Variants in RARB observed in about 807,000 individuals in gnomAD.
RARB encodes HBV-activated protein.
Under a neutral mutation model 51.9 loss-of-function variants are expected in RARB, and 17 were observed. That is an observed-to-expected ratio of 0.33 (90% confidence interval 0.22 to 0.49). RARB has a LOEUF of 0.49. Ranked by LOEUF, RARB falls within the 20% of genes least tolerant of loss-of-function variation. RARB has a pLI of 0.99. For missense variants in RARB, 369 were observed against 550.8 expected (o/e 0.67, Z 3.30); for synonymous variants, 215 against 195.4 (o/e 1.10, Z -0.84).
upstream of RARB, among the ~76,000 whole-genome samples, chr3:25,424,163 A>G (rs967164932): frequency 5.3e-5 from 8 of 152,186 alleles, no homozygotes; most frequent in Non-Finnish European, 1.0e-4. Flanking sequence ...AAGTAAAAAG[A>G]CATTTTTGAA....
intron 1 of RARB, among the ~76,000 whole-genome samples, chr3:25,440,773 C>G (rs1016228264): frequency 6.6e-6 from 1 of 151,750 alleles, no homozygotes; most frequent in Non-Finnish European, 1.5e-5. Flanking sequence ...ACACCGTCCC[C>G]CCCAAAAATA....
At chr3:25,494,253 G>GCACACACGCACGCACACACA (rs757972807) in intron 2 of RARB, among the ~76,000 whole-genome samples, 15 of 131,968 alleles carry the variant, frequency 1.1e-4, no homozygotes, top group African/African-American at 3.4e-4. Flanking sequence ...TGTATCTTAC[G>GCACACACGCACGCACACACA]CACACACACA....
At chr3:25,239,020 C>T (rs1023995009) in intron 5 of RARB, among the ~76,000 whole-genome samples, 5 of 152,102 alleles carry the variant, frequency 3.3e-5, no homozygotes, top group Admixed American at 3.3e-4. Context: ...AGGATGATAG[C>T]TCATTGTGGT....
chr3:25,047,480 T>C (rs1159174327), intron 2 of RARB, among the ~76,000 whole-genome samples: 1 of 152,154 alleles, frequency 6.6e-6, no homozygotes, highest in Non-Finnish European at 1.5e-5. Context: ...TTTTAAAGGA[T>C]TCACTCAGAC....
chr3:25,477,894 T>G (rs1359400109), intron 2 of RARB, among the ~76,000 whole-genome samples: 1 of 152,190 alleles, frequency 6.6e-6, no homozygotes, highest in Non-Finnish European at 1.5e-5. Context: ...CTGATGACAG[T>G]CAACATCTGG....
chr3:25,062,455 C>A (rs1196930123), intron 3 of RARB, among the ~76,000 whole-genome samples: 3 of 151,856 alleles, frequency 2.0e-5, no homozygotes, highest in African/African-American at 7.2e-5. Context: ...CATTCTATAA[C>A]CCAACTGCCT....
chr3:25,432,555 G>A (rs540731866), intron 1 of RARB, among the ~76,000 whole-genome samples: 4 of 152,180 alleles, frequency 2.6e-5, no homozygotes, highest in South Asian at 2.1e-4. Flanking sequence ...GAAGCCTGGC[G>A]CTGATATATA....
chr3:24,876,237 T>C (rs1703040445), intron 2 of RARB, among the ~76,000 whole-genome samples: 1 of 152,174 alleles, frequency 6.6e-6, no homozygotes. Flanking sequence ...ACTTTGAGAC[T>C]ATGTAAATAT....
At chr3:25,593,135 T>G (rs1009972383) in intron 5 of RARB, among the ~76,000 whole-genome samples, 1 of 152,120 alleles carries the variant, frequency 6.6e-6, no homozygotes, top group South Asian at 2.1e-4. Context: ...TTGCAGACTG[T>G]AAGCTCTTAA....
intron 3 of RARB, among the ~76,000 whole-genome samples, chr3:25,069,549 G>T (rs1353932517): frequency 6.6e-6 from 1 of 152,138 alleles, no homozygotes; most frequent in African/African-American, 2.4e-5. Context: ...GAGTGATCTT[G>T]TTCCCAAGTC....
chr3:24,928,962 AC>A lies in RARB; in HGVS notation c.-380+70211del, dbSNP rs1465503631. Among the ~76,000 whole-genome samples, 31 of 152,142 alleles carry A rather than the reference AC, an allele frequency of 2.0e-4. 1 individual carries two copies. The East Asian group carries it at 5.8e-3, about 28-fold the overall frequency. The stretch of plus-strand genomic sequence containing the variant: ...AACAGAAAAGAAAGAGAATATTCTC[AC>A]TCAGAGATGATCACCATTAGTATTT... On this transcript the variant is annotated intron_variant, in intron 2 of 11. Transcript: ENST00000383772.
intron 2 of RARB, among the ~76,000 whole-genome samples, chr3:25,023,125 C>T (rs182636075): frequency 6.6e-6 from 1 of 152,132 alleles, no homozygotes; most frequent in African/African-American, 2.4e-5. Flanking sequence ...AGTAAGGAGT[C>T]CCCTTTCTGT....
At chr3:24,981,278 T>G (rs1308543608) in intron 2 of RARB, among the ~76,000 whole-genome samples, 1 of 152,158 alleles carries the variant, frequency 6.6e-6, no homozygotes, top group South Asian at 2.1e-4. Context: ...GAACGCCATG[T>G]TGGGAGAACC....
intron 5 of RARB, among the ~76,000 whole-genome samples, chr3:25,368,509 C>T (rs1706201217): frequency 6.6e-6 from 1 of 152,162 alleles, no homozygotes; most frequent in African/African-American, 2.4e-5. Context: ...TGTGCACACA[C>T]ATACTTTCAT....
intron 4 of RARB, among the ~76,000 whole-genome samples, chr3:25,173,630 G>A (rs115562708): frequency 6.3e-4 from 96 of 152,196 alleles, no homozygotes; most frequent in African/African-American, 2.3e-3. Context: ...AGTTAGAATA[G>A]CATTAAATAG....
chr3:24,863,555 A>G (rs1012262760), intron 2 of RARB, among the ~76,000 whole-genome samples: 2 of 152,194 alleles, frequency 1.3e-5, no homozygotes, highest in African/African-American at 2.4e-5. Context: ...GATTAGGGGA[A>G]GGAAAGCATC....
intron 3 of RARB, among the ~76,000 whole-genome samples, chr3:25,545,608 T>C (rs1157638261): frequency 6.6e-6 from 1 of 152,152 alleles, no homozygotes; most frequent in African/African-American, 2.4e-5. Flanking sequence ...GGGTAAAGCC[T>C]TGGGGCCAGG....
At chr3:25,338,786 T>A (rs2125449447) in intron 5 of RARB, among the ~76,000 whole-genome samples, 1 of 152,294 alleles carries the variant, frequency 6.6e-6, no homozygotes, top group East Asian at 1.9e-4. Flanking sequence ...TAATGGTTAT[T>A]AAAATACTGA....
intron 3 of RARB, among the ~76,000 whole-genome samples, chr3:25,565,865 A>T (rs753726912): frequency 1.3e-5 from 2 of 151,190 alleles, no homozygotes; most frequent in Non-Finnish European, 3.0e-5. Flanking sequence ...TGCTACTGCC[A>T]TCTCGGGGGA....
Sources: gnomAD v4.1 joint callset for allele counts (sites outside exome capture counted in the v4.1 genomes callset) on GRCh38, gnomAD v4.1.1 for gene constraint, MANE v1.5 for transcripts, NCBI Gene and HGNC (gene_info 2026-07-23, HGNC 2026-07-21) for gene names.